Variants in CENPW observed in about 807,000 individuals in gnomAD.
The protein encoded by CENPW is centromere protein W, also known as cancer-up-regulated gene 2 protein.
CENPW carries 3 observed loss-of-function variants against 11.1 expected under a neutral mutation model. The ratio of observed to expected loss-of-function variants is 0.27; its 90% CI spans 0.12 to 0.70. The LOEUF (loss-of-function observed/expected upper bound fraction) is 0.70. CENPW is among the 30% of genes least tolerant of loss of function. CENPW has a pLI of 0.77. For synonymous variants in CENPW, 38 were observed against 42.0 expected, an observed-to-expected ratio of 0.91 and a Z score of 0.37; for missense variants, 100 against 105.6, an observed-to-expected ratio of 0.95 and a Z score of 0.23.
the CENPW span, among the ~76,000 whole-genome samples, chr6:126,397,030 G>A: frequency 6.6e-6 from 1 of 151,996 alleles, no homozygotes; most frequent in African/African-American, 2.4e-5. Flanking sequence ...TGGGGTATGG[G>A]TGGTGCAAGT....
chr6:126,476,596 C>G, the CENPW span, among the ~76,000 whole-genome samples: 3 of 151,816 alleles, frequency 2.0e-5, no homozygotes, highest in South Asian at 4.2e-4. Flanking sequence ...TTGTTAGAAC[C>G]CTATTTCTAT....
chr6:126,356,369 T>G, the CENPW span, among the ~76,000 whole-genome samples: 3 of 152,142 alleles, frequency 2.0e-5, no homozygotes, highest in Non-Finnish European at 4.4e-5. Context: ...AGGTTTTTCT[T>G]TGGGAAAGAT....
chr6:126,447,201 C>T, the CENPW span, among the ~76,000 whole-genome samples: 8 of 151,102 alleles, frequency 5.3e-5, no homozygotes, highest in Non-Finnish European at 8.9e-5. Flanking sequence ...TAGAATAATG[C>T]CCAGGAATCT....
At chr6:126,457,703 G>A in the CENPW span, among the ~76,000 whole-genome samples, 1 of 151,102 alleles carries the variant, frequency 6.6e-6, no homozygotes, top group Non-Finnish European at 1.5e-5. Context: ...GAAATTAACT[G>A]GTATTATCAC....
the CENPW span, among the ~76,000 whole-genome samples, chr6:126,373,340 A>G: frequency 6.6e-6 from 1 of 152,356 alleles, no homozygotes; most frequent in East Asian, 1.9e-4. Flanking sequence ...TACAATTTGA[A>G]CAAATAACAC....
chr6:126,355,202 C>G, the CENPW span, among the ~76,000 whole-genome samples: 1 of 152,020 alleles, frequency 6.6e-6, no homozygotes, highest in Admixed American at 6.6e-5. Context: ...TAATTATTAT[C>G]TTGTTAATCA....
chr6:126,405,889 T>C, the CENPW span, among the ~76,000 whole-genome samples: 1 of 152,078 alleles, frequency 6.6e-6, no homozygotes, highest in Admixed American at 6.6e-5. Flanking sequence ...AAGATTTTTT[T>C]GTGGGGGGGG....
chr6:126,472,326 A>G, the CENPW span, among the ~76,000 whole-genome samples: 3 of 152,250 alleles, frequency 2.0e-5, no homozygotes. Context: ...CTCTGGCCCA[A>G]CCATACCAGC....
chr6:126,395,339 A>C, the CENPW span, among the ~76,000 whole-genome samples: 1 of 152,092 alleles, frequency 6.6e-6, no homozygotes, highest in Admixed American at 6.6e-5. Context: ...TACGTTCTTC[A>C]GTATGCCAGT....
chr6:126,441,369 A>G, the CENPW span, among the ~76,000 whole-genome samples: 8 of 151,530 alleles, frequency 5.3e-5, no homozygotes, highest in African/African-American at 1.4e-4. Flanking sequence ...TTGTTCTCCC[A>G]GAGATTCTGT....
chr6:126,377,149 C>A, the CENPW span, among the ~76,000 whole-genome samples: 1 of 152,062 alleles, frequency 6.6e-6, no homozygotes, highest in Non-Finnish European at 1.5e-5. Flanking sequence ...AGTCCTTTGA[C>A]CCAGATCTCT....
chr6:126,442,715 A>G, the CENPW span, among the ~76,000 whole-genome samples: 3 of 151,282 alleles, frequency 2.0e-5, no homozygotes, highest in African/African-American at 7.3e-5. Flanking sequence ...GAATAAAGAA[A>G]GTGGGTTCAA....
chr6:126,451,628 G>A, the CENPW span, among the ~76,000 whole-genome samples: 2 of 151,092 alleles, frequency 1.3e-5, no homozygotes, highest in Non-Finnish European at 3.0e-5. Context: ...CTAAATTTGG[G>A]AGAGAGGAAA....
intron 2 of CENPW, among the ~76,000 whole-genome samples, chr6:126,347,758 A>G (rs891485886): frequency 6.6e-6 from 1 of 152,050 alleles, no homozygotes. Flanking sequence ...TGTTTTTTAC[A>G]TTTAGGATTT....
the CENPW span, among the ~76,000 whole-genome samples, chr6:126,369,371 G>C: frequency 6.6e-6 from 1 of 152,146 alleles, no homozygotes; most frequent in African/African-American, 2.4e-5. Context: ...TTTCCATAGT[G>C]GTTGTACTAA....
chr6:126,344,610 G>A (rs1780372140), intron 1 of CENPW, among the ~76,000 whole-genome samples: 1 of 152,190 alleles, frequency 6.6e-6, no homozygotes, highest in African/African-American at 2.4e-5. Context: ...GTAAATAATT[G>A]GAATTGGGAT....
chr6:126,384,361 A>T, the CENPW span, among the ~76,000 whole-genome samples: 1 of 152,122 alleles, frequency 6.6e-6, no homozygotes, highest in South Asian at 2.1e-4. Context: ...AGGCACCATG[A>T]TCCCCAATCA....
the CENPW span, among the ~76,000 whole-genome samples, chr6:126,378,154 A>G: frequency 6.6e-6 from 1 of 152,204 alleles, no homozygotes. Context: ...AATACTTCCA[A>G]TTGTTGACCT....
the CENPW span, among the ~76,000 whole-genome samples, chr6:126,398,959 G>A: frequency 2.0e-4 from 30 of 151,960 alleles, no homozygotes; most frequent in African/African-American, 6.8e-4. Flanking sequence ...ATGGCCTCCA[G>A]CTGCATTCAT....
Sources: gnomAD v4.1 joint callset for allele counts (sites outside exome capture counted in the v4.1 genomes callset) on GRCh38, gnomAD v4.1.1 for gene constraint, MANE v1.5 for transcripts, NCBI Gene and HGNC (gene_info 2026-07-23, HGNC 2026-07-21) for gene names.